The following SYTL5 variants were observed in gnomAD, a reference collection of about 807,000 sequenced individuals.
The protein encoded by SYTL5 is synaptotagmin-like protein 5.
Under a neutral mutation model 55.9 loss-of-function variants are expected in SYTL5, and 34 were observed. The observed-to-expected ratio is 0.61, with a 90% CI of 0.46 to 0.81. The LOEUF (loss-of-function observed/expected upper bound fraction) is 0.81, where lower values mean the gene tolerates loss of function less well. SYTL5 is among the 30% of genes least tolerant of loss of function. SYTL5 has a pLI of 0.00. For missense variants in SYTL5, 637 were observed against 546.7 expected, an observed-to-expected ratio of 1.17 and a Z score of -1.65; for synonymous variants, 221 against 188.7, an observed-to-expected ratio of 1.17 and a Z score of -1.40.
At chrX:37,949,916 C>T in the SYTL5 span, among the ~76,000 whole-genome samples, 3 of 111,837 alleles carry the variant, frequency 2.7e-5, no homozygotes, top group African/African-American at 9.7e-5. Context: ...GGTTTGAATG[C>T]TTAGGACATG....
chrX:37,990,061 T>C, the SYTL5 span, among the ~76,000 whole-genome samples: 5 of 109,953 alleles, frequency 4.5e-5, no homozygotes, highest in Non-Finnish European at 9.5e-5. Context: ...TTTATTTTTA[T>C]TTTTAGTAGA....
chrX:37,916,115 C>T, the SYTL5 span, among the ~76,000 whole-genome samples: 9 of 111,855 alleles, frequency 8.0e-5, no homozygotes, highest in African/African-American at 2.9e-4. Context: ...GAACTCCTGC[C>T]TCCTTCTCAA....
the SYTL5 span, among the ~76,000 whole-genome samples, chrX:37,963,651 G>C: frequency 9.0e-6 from 1 of 111,268 alleles, no homozygotes; most frequent in African/African-American, 3.3e-5. Context: ...GAGTATTTAG[G>C]GTTTTCTACA....
chrX:38,020,299 G>T (rs954763507), intron 1 of SYTL5, among the ~76,000 whole-genome samples: 1 of 106,675 alleles, frequency 9.4e-6, no homozygotes, highest in Non-Finnish European at 1.9e-5. Flanking sequence ...AACATATAAA[G>T]AAAATTATAA....
the SYTL5 span, among the ~76,000 whole-genome samples, chrX:37,975,816 C>T: frequency 8.9e-6 from 1 of 112,117 alleles, no homozygotes. Context: ...AGGATGTGAA[C>T]CTCAATATAT....
At chrX:38,005,887 G>A (rs1933975787), upstream of SYTL5, among the ~76,000 whole-genome samples, 1 of 111,724 alleles carries the variant, frequency 9.0e-6, no homozygotes, top group Admixed American at 9.5e-5. Context: ...CACCTTGGCA[G>A]AAGTGATCTT....
intron 3 of SYTL5, among the ~76,000 whole-genome samples, chrX:38,059,463 C>T (rs1935881538): frequency 9.0e-6 from 1 of 111,582 alleles, no homozygotes; most frequent in African/African-American, 3.2e-5. Context: ...TTAAGATTAC[C>T]TTAATCAAGT....
the SYTL5 span, among the ~76,000 whole-genome samples, chrX:37,939,121 C>T: frequency 9.1e-6 from 1 of 109,463 alleles, no homozygotes; most frequent in African/African-American, 3.3e-5. Context: ...ACTAGCTGGG[C>T]GTGGTGGCAG....
the SYTL5 span, among the ~76,000 whole-genome samples, chrX:37,934,023 A>T: frequency 9.0e-6 from 1 of 111,689 alleles, no homozygotes; most frequent in Non-Finnish European, 1.9e-5. Flanking sequence ...CTGGCCACAC[A>T]TGACAAGAAA....
At chrX:37,905,898 G>A in the SYTL5 span, among the ~76,000 whole-genome samples, 1 of 113,232 alleles carries the variant, frequency 8.8e-6, no homozygotes, top group African/African-American at 3.2e-5. Flanking sequence ...TGAGCCCCGT[G>A]GATGGGGCGC....
upstream of SYTL5, among the ~76,000 whole-genome samples, chrX:38,003,170 A>G (rs919974087): frequency 9.0e-6 from 1 of 111,598 alleles, no homozygotes; most frequent in African/African-American, 3.3e-5. Flanking sequence ...CAAAGATCAG[A>G]TAGTTGTAGA....
chrX:37,928,273 A>C, the SYTL5 span, among the ~76,000 whole-genome samples: 1 of 111,642 alleles, frequency 9.0e-6, no homozygotes, highest in Non-Finnish European at 1.9e-5. Flanking sequence ...TATCTCACAC[A>C]TTCAACCTAA....
the SYTL5 span, among the ~76,000 whole-genome samples, chrX:37,962,884 G>A: frequency 3.5e-4 from 39 of 111,579 alleles, no homozygotes; most frequent in African/African-American, 1.2e-3. Flanking sequence ...TCCTAATTAC[G>A]TCCCAAAGGC....
At chrX:37,928,247 A>G in the SYTL5 span, among the ~76,000 whole-genome samples, 1 of 111,753 alleles carries the variant, frequency 8.9e-6, no homozygotes, top group Admixed American at 9.5e-5. Flanking sequence ...CATTAAGAAA[A>G]TGGTTACAAA....
At chrX:38,070,298 A>T (rs923912785) in intron 3 of SYTL5, among the ~76,000 whole-genome samples, 6 of 111,222 alleles carry the variant, frequency 5.4e-5, no homozygotes, top group Non-Finnish European at 5.7e-5. Context: ...TGCTGAATCA[A>T]ATGGATATAA....
chrX:37,897,526 G>A, the SYTL5 span, among the ~76,000 whole-genome samples: 1 of 110,183 alleles, frequency 9.1e-6, no homozygotes, highest in Admixed American at 9.7e-5. Context: ...AGTTAACAAG[G>A]GGCCAAATAC....
chrX:37,938,191 A>G, the SYTL5 span, among the ~76,000 whole-genome samples: 1 of 112,213 alleles, frequency 8.9e-6, no homozygotes, highest in Non-Finnish European at 1.9e-5. Flanking sequence ...TTTTCAGAAA[A>G]TGAATAGAGA....
the SYTL5 span, among the ~76,000 whole-genome samples, chrX:37,973,744 C>T: frequency 9.1e-6 from 1 of 110,486 alleles, no homozygotes; most frequent in African/African-American, 3.3e-5. Context: ...AAGTGATTCT[C>T]CTGCCTCAGC....
the SYTL5 span, among the ~76,000 whole-genome samples, chrX:37,937,468 G>A: frequency 4.5e-5 from 5 of 111,155 alleles, no homozygotes; most frequent in African/African-American, 1.6e-4. Context: ...GAAAAGGAAG[G>A]GGGACCTCAG....
Sources: gnomAD v4.1 joint callset for allele counts (sites outside exome capture counted in the v4.1 genomes callset) on GRCh38, gnomAD v4.1.1 for gene constraint, MANE v1.5 for transcripts, NCBI Gene and HGNC (gene_info 2026-07-23, HGNC 2026-07-21) for gene names.